FCGRT: variants seen among roughly 807,000 people sequenced by gnomAD.
The protein encoded by FCGRT is Fc gamma receptor and transporter.
In FCGRT, 13 loss-of-function variants were observed where a neutral mutation model predicts 35.7. The ratio of observed to expected loss-of-function variants is 0.36; its 90% CI spans 0.24 to 0.58. The LOEUF is 0.58. Ranked by LOEUF, FCGRT falls within the 20% of genes least tolerant of loss-of-function variation. The pLI is 0.77. For synonymous variants in FCGRT, 233 were observed against 216.5 expected (o/e 1.08, Z -0.67); for missense variants, 455 against 474.9 (o/e 0.96, Z 0.39).
At chr19:49,525,731 A>G (rs115744126) in intron 6 of FCGRT, among the ~76,000 whole-genome samples, 158 bp downstream of exon 6, 79 of 151,058 alleles carry the variant, frequency 5.2e-4, no homozygotes, top group African/African-American at 1.4e-3. Context: ...GTGCAGAGAG[A>G]GGGGGACGGA....
intron 6 of FCGRT, among the ~76,000 whole-genome samples, chr19:49,525,781 G>A (rs2080072420): frequency 6.6e-6 from 1 of 151,478 alleles, no homozygotes. Flanking sequence ...ACCCAGAGGG[G>A]ACAGAGAGAG....
chr19:49,525,898 G>A (rs1240598618), intron 6 of FCGRT, 112 bp from the exon 7 acceptor site: 1 of 788,186 alleles, frequency 1.3e-6, no homozygotes, highest in Non-Finnish European at 2.3e-6. Context: ...CAGAAGGAAG[G>A]GGATAGAGAC....
At chr19:49,513,857 C>T (rs753627685) in intron 2 of FCGRT, 25 bp from the exon 3 acceptor site, 5 of 1,562,510 alleles carry the variant, frequency 3.2e-6, no homozygotes, top group Non-Finnish European at 4.3e-6. Flanking sequence ...CCGTGTGCTC[C>T]CTTCAGCTCT....
At chr19:49,513,812 C>G in intron 2 of FCGRT, 70 bp from the exon 3 acceptor site, 1 of 1,325,444 alleles carries the variant, frequency 7.5e-7, no homozygotes. Flanking sequence ...TTCTCCCTCC[C>G]TGGGTATCTG....
At chr19:49,524,932 A>T in intron 5 of FCGRT, 156 bp downstream of exon 5, 1 of 788,832 alleles carries the variant, frequency 1.3e-6, no homozygotes, top group South Asian at 1.5e-5. Flanking sequence ...CCAAAACCTG[A>T]TGGCTTGTCC....
At position 49,524,670 on chromosome 19, in the gene FCGRT, A is replaced by G. The variant is rs1453811524; in HGVS notation, c.765A>G (p.Gly255=). 1.9e-6 allele frequency: 3 copies of G among 1,605,548 alleles called. No homozygotes were observed. The highest frequency in any genetic ancestry group is 1.7e-6 in the Non-Finnish European group (2 of 1,180,004). ...GTGACTTCGGCCCCAACAGTGACGG[A>G]TCCTTCCACGCCTCGTCGTCACTAA... ...GQGDFGPNSD[G]SFHASSSLTV... The change falls in exon 5 of 7, where the codon GGA becomes GGG. Residue 255 remains glycine (G), a synonymous_variant. Coordinates refer to ENST00000221466, the MANE Select transcript of FCGRT (RefSeq NM_001136019.3).
In FCGRT at chr19:49,525,475, C is replaced by G. The variant is rs1467238023; in HGVS notation, c.890C>G (p.Ser297Cys). ...RVELESPAKS[S>C]VLVVGIVIGV... ...GCTGCAGAATCTCCAGCCAAGTCCT[C>G]CGTGCTCGTGGTGGGAATCGTCATC... Residue 297 changes from serine (S) to cysteine (C), a missense_variant, in exon 6 of 7, where the codon TCC (serine) becomes TGC (cysteine). Coordinates refer to ENST00000221466, the MANE Select transcript of FCGRT (RefSeq NM_001136019.3). 1.2e-6 allele frequency: 2 copies of G among 1,613,774 alleles called. No homozygotes were observed. Among genetic ancestry groups the G allele is most frequent in the Non-Finnish European group, 1.7e-6 (2 of 1,179,848 alleles).
chr19:49,525,885 G>T, intron 6 of FCGRT, 125 bp from the exon 7 acceptor site: 2 of 772,740 alleles, frequency 2.6e-6, no homozygotes. Context: ...GGAGACAAAG[G>T]CCCAGAAGGA....
In FCGRT at chr19:49,524,607, G is replaced by A. The variant is rs1229854163; in HGVS notation, c.702G>A (p.Arg234=). The A allele has an allele frequency of 1.5e-5, 24 of 1,611,460 alleles. No individual in the cohort carries two copies. Among genetic ancestry groups the A allele is most frequent in the Non-Finnish European group, 1.9e-5 (22 of 1,180,032 alleles). ...TCTACCCTCCGGAGCTGCAACTTCG[G>A]TTCCTGCGGAATGGGCTGGCCGCTG... ...FSFYPPELQL[R]FLRNGLAAGT... Residue 234 remains arginine (R), a synonymous_variant, in exon 5 of 7, where the codon CGG becomes CGA. Coordinates refer to ENST00000221466, the MANE Select transcript of FCGRT (RefSeq NM_001136019.3).
At chr19:49,513,855 T>C (rs763817141) in intron 2 of FCGRT, 27 bp from the exon 3 acceptor site, 1 of 1,538,536 alleles carries the variant, frequency 6.5e-7, no homozygotes, top group Non-Finnish European at 8.8e-7. Context: ...GCCCGTGTGC[T>C]CCCTTCAGCT....
chr19:49,514,503 G>A lies in FCGRT; in HGVS notation c.601+17G>A, dbSNP rs769970614. On this transcript the variant is annotated intron_variant, in intron 4 of 6. Coordinates refer to ENST00000221466, the MANE Select transcript of FCGRT (RefSeq NM_001136019.3). ...AGTGGAAGGGTGAGCCGGATCTGCA[G>A]CCGCAGGCTGTTCTGTCCTCTCTCC... is the stretch of plus-strand genomic sequence containing the variant. 1.5e-5 allele frequency: 23 copies of A among 1,531,486 alleles called. No individual in the cohort carries two copies. In the Admixed American group the frequency reaches 3.2e-4, roughly 21 times the overall value. The allele number at this position is 1,531,486 out of a possible 1,614,324, so 94.9% of individuals were successfully genotyped here.
In FCGRT at chr19:49,524,521, C is replaced by T. The variant is rs779240739; in HGVS notation, c.616C>T (p.Arg206Cys). Residue 206 changes from arginine (R) to cysteine (C), a missense_variant, in exon 5 of 7, where the codon CGC (arginine) becomes TGC (cysteine). Arg to Cys is a radical substitution (Grantham distance 180). Around this residue, in one of 3 missense-constraint regions of FCGRT, gnomAD observed 312 missense variants for 296.1 expected, o/e 1.05. Transcript: ENST00000221466. ...NLEWKEPPSM[R>C]LKARPSSPGF... Reference sequence around the variant, plus strand: ...ATTTCCTGCAGAGCCCCCCTCCATGCGCCTGAAGGCCCGACCCAGCAGCCC... The same window carrying T: ...ATTTCCTGCAGAGCCCCCCTCCATGTGCCTGAAGGCCCGACCCAGCAGCCC... 5.6e-6 allele frequency: 9 copies of T among 1,607,398 alleles called. 1 individual carries two copies. Among genetic ancestry groups the T allele is most frequent in the South Asian group, 3.3e-5 (3 of 90,984 alleles).
At position 49,525,528 on chromosome 19, in the gene FCGRT, G is replaced by A. The variant is rs748189145; in HGVS notation, c.943G>A (p.Val315Ile). 1.2e-6 allele frequency: 2 copies of A among 1,613,846 alleles called. No individual in the cohort carries two copies. The highest frequency in any genetic ancestry group is 2.2e-5 in the South Asian group (2 of 91,066). ...IGVLLLTAAA[V>I]GGALLWRRMR... ...TGTCTTGCTACTCACGGCAGCGGCT[G>A]TAGGAGGAGCTCTGTTGTGGAGAAG... Residue 315 changes from valine (V) to isoleucine (I), a missense_variant, in exon 6 of 7, where the codon GTA (valine) becomes ATA (isoleucine). Physicochemically the swap from Val to Ile is conservative, Grantham distance 29. This residue lies in a region of FCGRT where 312 missense variants were observed against 296.1 expected (regional missense o/e 1.05). Transcript: ENST00000221466.
chr19:49,514,552 C>T lies in FCGRT; in HGVS notation c.601+66C>T, dbSNP rs1397709946. The T allele has an allele frequency of 4.9e-6, 7 of 1,435,386 alleles. No homozygotes were observed. In the East Asian group the frequency reaches 1.7e-4, roughly 34 times the overall value. 88.9% of individuals were successfully genotyped at this position (1,435,386 alleles called of 1,614,324 possible). A position where few individuals can be genotyped will look rare whatever the true frequency, so the allele number is the denominator to read the frequency against. ...CCCGTCATGCCCACCTGCCTCAGTT[C>T]CCCTGCCAGGACCCTCCATCAGCCT... On this transcript the variant is annotated intron_variant, in intron 4 of 6. Coordinates refer to ENST00000221466, the MANE Select transcript of FCGRT (RefSeq NM_001136019.3).
At position 49,514,366 on chromosome 19, in the gene FCGRT, A is replaced by G; in HGVS notation, c.481A>G (p.Ser161Gly). The G allele has an allele frequency of 2.5e-6, 4 of 1,613,182 alleles. No homozygotes were observed. The highest frequency in any genetic ancestry group is 3.4e-6 in the Non-Finnish European group (4 of 1,179,566). The change falls in exon 4 of 7, where the codon AGT (serine) becomes GGT (glycine). Residue 161 changes from serine (S) to glycine (G), a missense_variant. Physicochemically the swap from Ser to Gly is moderately conservative, Grantham distance 56. Transcript: ENST00000221466. ...GGACTGGCCCGAGGCCCTGGCTATCAGTCAGCGGTGGCAGCAGCAGGACAA... is the reference window on the plus strand; with the variant it reads ...GGACTGGCCCGAGGCCCTGGCTATCGGTCAGCGGTGGCAGCAGCAGGACAA... ...GGDWPEALAI[S>G]QRWQQQDKAA...
intron 5 of FCGRT, chr19:49,525,172 AC>A (rs2080066841): frequency 2.0e-6 from 1 of 510,188 alleles, no homozygotes; most frequent in South Asian, 1.9e-5. Context: ...CATGAGACTG[AC>A]TTCCCACTGC....
chr19:49,523,939 T>A (rs535009569), intron 4 of FCGRT, among the ~76,000 whole-genome samples: 3 of 152,230 alleles, frequency 2.0e-5, no homozygotes, highest in African/African-American at 7.2e-5. Flanking sequence ...GAAGGTTGTA[T>A]TTATCAGGAA....
intron 4 of FCGRT, among the ~76,000 whole-genome samples, chr19:49,518,531 A>G (rs2080021906): frequency 6.7e-6 from 1 of 148,804 alleles, no homozygotes; most frequent in Non-Finnish European, 1.5e-5. Flanking sequence ...AGGCCTAGCT[A>G]TTTTTGTTTG....
chr19:49,517,847 C>G (rs1452688470), intron 4 of FCGRT, among the ~76,000 whole-genome samples: 1 of 152,118 alleles, frequency 6.6e-6, no homozygotes. Context: ...TGCCCGCCAC[C>G]TCGCCCAGCC....
Sources: gnomAD v4.1 joint callset for allele counts (sites outside exome capture counted in the v4.1 genomes callset) on GRCh38, gnomAD v4.1.1 for gene constraint, gnomAD v4.1.1 regional missense constraint, MANE v1.5 for transcripts, NCBI Gene and HGNC (gene_info 2026-07-23, HGNC 2026-07-21) for gene names.